Variants in EDA observed in about 807,000 individuals in gnomAD.
EDA encodes ectodysplasin A, also known as ectodysplasin-A.
Under a neutral mutation model 23.6 loss-of-function variants are expected in EDA, and 2 were observed. The observed-to-expected ratio is 0.08, with a 90% CI of 0.03 to 0.27. The LOEUF (loss-of-function observed/expected upper bound fraction) is 0.27, where lower values mean the gene tolerates loss of function less well. EDA is among the 10% of genes least tolerant of loss of function. The pLI is 1.00. For synonymous variants in EDA, 131 were observed against 132.0 expected, an observed-to-expected ratio of 0.99 and a Z score of 0.05; for missense variants, 229 against 324.2, an observed-to-expected ratio of 0.71 and a Z score of 2.26.
chrX:69,684,648 C>T (rs1268644643), intron 1 of EDA, among the ~76,000 whole-genome samples: 1 of 112,233 alleles, frequency 8.9e-6, no homozygotes, highest in African/African-American at 3.2e-5. Context: ...GCCTCTCTAA[C>T]TAGAATTGAA....
chrX:69,914,416 T>C (rs1010344831), intron 1 of EDA, among the ~76,000 whole-genome samples: 2 of 112,088 alleles, frequency 1.8e-5, no homozygotes, highest in South Asian at 7.5e-4. Context: ...AAAGTTTAAA[T>C]ATAGGCTTTC....
chrX:69,951,118 AG>A (rs1389175794), intron 1 of EDA, among the ~76,000 whole-genome samples: 2 of 109,700 alleles, frequency 1.8e-5, no homozygotes. Context: ...AGAAAAAAAA[AG>A]ATATGAAAGT....
chrX:70,020,558 C>CA (rs555853182), intron 2 of EDA, among the ~76,000 whole-genome samples: 145 of 75,932 alleles, frequency 1.9e-3, no homozygotes, highest in African/African-American at 6.6e-3. Flanking sequence ...GACTCCGTCT[C>CA]AAAAAAAAAA....
intron 1 of EDA, among the ~76,000 whole-genome samples, chrX:69,866,052 C>T (rs145630420): frequency 2.5e-3 from 283 of 111,907 alleles, no homozygotes; most frequent in Non-Finnish European, 4.7e-3. Context: ...TTGATGACTA[C>T]CTTCTTCTAC....
intron 1 of EDA, among the ~76,000 whole-genome samples, chrX:69,726,051 A>C (rs1186783278): frequency 1.8e-5 from 2 of 112,064 alleles, no homozygotes; most frequent in Non-Finnish European, 3.8e-5. Context: ...TGTAGAGATA[A>C]AAAGTGAAGT....
intron 1 of EDA, among the ~76,000 whole-genome samples, chrX:69,834,816 C>G (rs750708277): frequency 2.7e-5 from 3 of 111,732 alleles, no homozygotes; most frequent in Non-Finnish European, 5.6e-5. Context: ...CATTGATGGT[C>G]TTTACAATTT....
In EDA at chrX:69,944,877, C is replaced by A. The variant is rs181370857; in HGVS notation, c.397-12150C>A. Among the ~76,000 whole-genome samples, 643 of 112,175 alleles carry A rather than the reference C, an allele frequency of 5.7e-3. 4 individuals are homozygous for A. Among genetic ancestry groups the A allele is most frequent in the Admixed American group, 0.011 (122 of 10,618 alleles). ...CCACTGGGATGGACAGTTCCAACCA[C>A]TGGCTAGCACTGGTCTAATGCTCCT... On this transcript the variant is annotated intron_variant, in intron 1 of 7. Coordinates refer to ENST00000374552, the MANE Select transcript of EDA (RefSeq NM_001399.5).
At chrX:69,995,860 C>T (rs750966621) in intron 2 of EDA, among the ~76,000 whole-genome samples, 2 of 111,975 alleles carry the variant, frequency 1.8e-5, no homozygotes, top group African/African-American at 6.5e-5. Flanking sequence ...ATGGAGTCCT[C>T]GCAGAGCACA....
intron 1 of EDA, among the ~76,000 whole-genome samples, chrX:69,766,682 C>G (rs1310911901): frequency 2.7e-5 from 3 of 112,214 alleles, no homozygotes; most frequent in African/African-American, 9.7e-5. Flanking sequence ...TTTCTTAATC[C>G]AGTCTGTCAT....
At chrX:69,812,458 C>A (rs946499759) in intron 1 of EDA, among the ~76,000 whole-genome samples, 6 of 112,543 alleles carry the variant, frequency 5.3e-5, no homozygotes, top group Non-Finnish European at 1.1e-4. Flanking sequence ...TTGGAAAAAT[C>A]ATTTGTTCTG....
intron 1 of EDA, among the ~76,000 whole-genome samples, chrX:69,733,274 T>A (rs1388148352): frequency 5.3e-5 from 6 of 112,258 alleles, no homozygotes; most frequent in African/African-American, 9.7e-5. Context: ...TATTAATTTT[T>A]GTATAAGGTG....
intron 2 of EDA, among the ~76,000 whole-genome samples, chrX:69,977,361 T>G (rs1292078079): frequency 2.7e-5 from 3 of 112,122 alleles, no homozygotes; most frequent in African/African-American, 9.7e-5. Flanking sequence ...GTTTCTTTTT[T>G]GGTCACATGT....
chrX:70,027,818 G>A (rs762304600), intron 3 of EDA, 39 bp from the exon 4 acceptor site: 20 of 617,766 alleles, frequency 3.2e-5, no homozygotes, highest in African/African-American at 1.8e-4. Context: ...GCAGGACTCC[G>A]TCTCAAAAAA....
chrX:69,800,201 G>A (rs773792373), intron 1 of EDA, among the ~76,000 whole-genome samples: 1 of 111,893 alleles, frequency 8.9e-6, no homozygotes, highest in African/African-American at 3.2e-5. Flanking sequence ...GGATACCAGA[G>A]ACTGGGAAGG....
intron 4 of EDA, 146 bp downstream of exon 4, chrX:70,028,182 C>T: frequency 9.7e-7 from 1 of 1,034,213 alleles, no homozygotes; most frequent in Non-Finnish European, 1.3e-6. Flanking sequence ...CAGTGTAAAA[C>T]TAGGAATTGG....
intron 1 of EDA, among the ~76,000 whole-genome samples, chrX:69,625,740 T>G (rs1368983204): frequency 1.8e-5 from 2 of 109,712 alleles, no homozygotes; most frequent in Non-Finnish European, 3.8e-5. Context: ...GAAGAAAACA[T>G]AGAAAATCCT....
At chrX:69,817,035 G>A (rs977263183) in intron 1 of EDA, among the ~76,000 whole-genome samples, 4 of 111,628 alleles carry the variant, frequency 3.6e-5, no homozygotes, top group African/African-American at 1.3e-4. Flanking sequence ...ACCCTAAAAA[G>A]CCAGAAAAGA....
intron 2 of EDA, among the ~76,000 whole-genome samples, chrX:70,018,442 T>C (rs1053717950): frequency 2.7e-5 from 3 of 112,260 alleles, no homozygotes; most frequent in African/African-American, 9.7e-5. Flanking sequence ...ATTACCTGAC[T>C]TCAAACTATA....
At chrX:69,972,066 T>C (rs2019255550) in intron 2 of EDA, among the ~76,000 whole-genome samples, 1 of 111,402 alleles carries the variant, frequency 9.0e-6, no homozygotes, top group African/African-American at 3.3e-5. Context: ...TCAGGCTCTT[T>C]CCAGTTCTAT....
Sources: allele counts gnomAD v4.1 joint callset (sites outside exome capture counted in the v4.1 genomes callset), GRCh38; gene constraint gnomAD v4.1.1; transcripts MANE v1.5; gene names NCBI Gene and HGNC (gene_info 2026-07-23, HGNC 2026-07-21).